The following CALB2 variants were observed in gnomAD, a reference collection of about 807,000 sequenced individuals.
CALB2 encodes the protein calretinin.
In CALB2, 34 loss-of-function variants were observed where a neutral mutation model predicts 45.9. That is an observed-to-expected ratio of 0.74 (90% CI 0.56 to 0.99). CALB2 has a LOEUF of 0.99. CALB2 is among the 50% of genes least tolerant of loss of function. CALB2 has a pLI of 0.00. For synonymous variants in CALB2, 142 were observed against 129.6 expected, an observed-to-expected ratio of 1.10 and a Z score of -0.65; for missense variants, 344 against 339.3, an observed-to-expected ratio of 1.01 and a Z score of -0.11.
At chr16:71,370,154 G>A (rs938371206) in intron 1 of CALB2, among the ~76,000 whole-genome samples, 2 of 152,094 alleles carry the variant, frequency 1.3e-5, no homozygotes, top group African/African-American at 2.4e-5. Context: ...CATGTGATTC[G>A]TGCCATACAA....
In CALB2 at chr16:71,383,997, G is replaced by A. The variant is rs767639758; in HGVS notation, c.505G>A (p.Gly169Ser). 1 of 1,613,880 alleles carries A rather than the reference G, an allele frequency of 6.2e-7. No homozygotes were observed. The highest frequency in any genetic ancestry group is 8.5e-7 in the Non-Finnish European group (1 of 1,179,872). ...ACGGATGTTTGACTTGAACGGGGAT[G>A]GCAAATTGGGCCTCTCAGAGATGTC... ...ILRMFDLNGD[G>S]KLGLSEMSRL... Residue 169 changes from glycine to serine, a missense_variant, in exon 7 of 11, where the codon GGC (glycine) becomes AGC (serine). This residue lies in a region of CALB2 where 263 missense variants were observed against 241.7 expected (regional missense o/e 1.09). Transcript: ENST00000302628.
chr16:71,376,476 C>T (rs948390482), intron 3 of CALB2, among the ~76,000 whole-genome samples: 4 of 152,184 alleles, frequency 2.6e-5, no homozygotes, highest in South Asian at 2.1e-4. Context: ...CATCCACATA[C>T]ACCCACATGC....
At chr16:71,380,292 C>CTTTTTTTTTTTTTTTTTTT (rs544138378) in intron 4 of CALB2, among the ~76,000 whole-genome samples, 1 of 43,798 alleles carries the variant, frequency 2.3e-5, no homozygotes, top group Non-Finnish European at 4.1e-5. Context: ...CCTTCCTTTT[C>CTTTTTTTTTTTTTTTTTTT]TTTTTTTTTT....
intron 2 of CALB2, among the ~76,000 whole-genome samples, chr16:71,373,911 C>G (rs1320955744): frequency 6.6e-6 from 1 of 152,170 alleles, no homozygotes; most frequent in Non-Finnish European, 1.5e-5. Flanking sequence ...CAGAGGGATT[C>G]AGGAAACTCT....
In CALB2 at chr16:71,376,796, C is replaced by T. The variant is rs921756830; in HGVS notation, c.262-871C>T. On this transcript the variant is annotated intron_variant, in intron 3 of 10. Transcript: ENST00000302628. Reference sequence around the variant, plus strand: ...ACATGCAACCACATGCACCCACATACACCCACAAACATCCACATACAACCA... The same window carrying T: ...ACATGCAACCACATGCACCCACATATACCCACAAACATCCACATACAACCA... 3.9e-5 allele frequency among the ~76,000 whole-genome samples: 6 copies of T among 152,286 alleles called. 1 individual carries two copies. The highest frequency in any genetic ancestry group is 3.3e-4 in the Admixed American group (5 of 15,300).
chr16:71,366,022 C>T (rs866422620), intron 1 of CALB2, among the ~76,000 whole-genome samples: 112 of 50,492 alleles, frequency 2.2e-3, no homozygotes, highest in African/African-American at 2.6e-3. Context: ...CCCTCTCTCT[C>T]TCTTTTTTTT....
intron 4 of CALB2, among the ~76,000 whole-genome samples, chr16:71,381,047 T>C (rs1434028476): frequency 6.6e-6 from 1 of 152,168 alleles, no homozygotes; most frequent in Non-Finnish European, 1.5e-5. Context: ...GCTGGCAAGA[T>C]GGCTTGGGAA....
At chr16:71,369,207 G>A (rs868202583) in intron 1 of CALB2, among the ~76,000 whole-genome samples, 4 of 152,202 alleles carry the variant, frequency 2.6e-5, no homozygotes, top group South Asian at 2.1e-4. Flanking sequence ...GCAGGCCAGC[G>A]CTGCGAGTGT....
chr16:71,383,255 C>G, intron 5 of CALB2, 112 bp from the exon 6 acceptor site: 1 of 991,922 alleles, frequency 1.0e-6, no homozygotes, highest in Non-Finnish European at 1.6e-6. Flanking sequence ...ACTGGTAGAC[C>G]TGAAAAACAC....
chr16:71,377,448 G>T (rs1243670377), intron 3 of CALB2, among the ~76,000 whole-genome samples: 1 of 152,076 alleles, frequency 6.6e-6, no homozygotes. Flanking sequence ...CCCTCCAATT[G>T]CTCATCCCTT....
intron 10 of CALB2, among the ~76,000 whole-genome samples, chr16:71,387,306 G>A (rs2042581657): frequency 6.6e-6 from 1 of 152,200 alleles, no homozygotes; most frequent in South Asian, 2.1e-4. Context: ...CACTCTGAAG[G>A]TCAGAGAGCA....
intron 10 of CALB2, among the ~76,000 whole-genome samples, chr16:71,388,230 A>G (rs1324556189): frequency 6.6e-6 from 1 of 151,324 alleles, no homozygotes; most frequent in African/African-American, 2.4e-5. Flanking sequence ...GCTACTTGGG[A>G]GGCTGAGGCA....
Position 71,358,828 on chromosome 16 carries a change from C to G in CALB2, c.36C>G (p.His12Gln). 2 of 1,612,194 alleles carry G rather than the reference C, an allele frequency of 1.2e-6. No homozygotes were observed. The highest frequency in any genetic ancestry group is 4.5e-5 in the East Asian group (2 of 44,848). ...AGPQQQPPYL[H>Q]LAELTASQFL... The stretch of plus-strand genomic sequence containing the variant: ...CGCAGCAGCAGCCCCCTTACCTGCA[C>G]CTGGCCGAGCTGACGGCGTCCCAGT... The change falls in exon 1 of 11, where the codon CAC (histidine) becomes CAG (glutamine). Residue 12 changes from histidine to glutamine, a missense_variant. Transcript: ENST00000302628.
At chr16:71,377,249 A>G (rs369115386) in intron 3 of CALB2, among the ~76,000 whole-genome samples, 251 of 152,312 alleles carry the variant, frequency 1.6e-3, no homozygotes, top group Middle Eastern at 3.4e-3. Context: ...TGCCACCCCA[A>G]TGGAAATATA....
intron 10 of CALB2, 91 bp downstream of exon 10, chr16:71,385,739 C>T: frequency 1.1e-6 from 1 of 912,856 alleles, no homozygotes; most frequent in South Asian, 1.6e-5. Flanking sequence ...TGGTCCTGCT[C>T]TCTACTCCCC....
intron 10 of CALB2, 61 bp from the exon 11 acceptor site, chr16:71,389,688 G>A (rs541344045): frequency 1.7e-6 from 2 of 1,144,090 alleles, no homozygotes; most frequent in East Asian, 2.4e-5. Context: ...ATGTGGACGT[G>A]GGCTCCTTGC....
chr16:71,369,599 G>A (rs540854101), intron 1 of CALB2, among the ~76,000 whole-genome samples: 2 of 152,162 alleles, frequency 1.3e-5, no homozygotes, highest in East Asian at 1.9e-4. Flanking sequence ...ACATATACTC[G>A]CTCCTGTGTC....
intron 4 of CALB2, among the ~76,000 whole-genome samples, chr16:71,378,321 T>A (rs1335515785): frequency 6.6e-6 from 1 of 151,638 alleles, no homozygotes; most frequent in Admixed American, 6.6e-5. Flanking sequence ...AAGACCAGCC[T>A]GGGCAACATA....
chr16:71,382,088 AAGAG>A (rs1169400815), intron 4 of CALB2, among the ~76,000 whole-genome samples: 5 of 145,942 alleles, frequency 3.4e-5, no homozygotes, highest in Non-Finnish European at 4.5e-5. Context: ...GGAAGAAAGA[AAGAG>A]AAAGGAAGGA....
Sources: allele counts gnomAD v4.1 joint callset (sites outside exome capture counted in the v4.1 genomes callset), GRCh38; gene constraint gnomAD v4.1.1; regional missense constraint gnomAD v4.1.1; transcripts MANE v1.5; gene names NCBI Gene and HGNC (gene_info 2026-07-23, HGNC 2026-07-21).